PTH2R: variants seen among roughly 807,000 people sequenced by gnomAD.
PTH2R encodes the protein parathyroid hormone 2 receptor.
PTH2R carries 59 observed loss-of-function variants against 60.3 expected under a neutral mutation model. The ratio of observed to expected loss-of-function variants is 0.98; its 90% CI spans 0.79 to 1.22. The LOEUF is 1.22. PTH2R is among the 50% of genes most tolerant of loss of function. PTH2R has a pLI of 0.00. For synonymous variants in PTH2R, 256 were observed against 243.8 expected (o/e 1.05, Z -0.47); for missense variants, 749 against 682.6 (o/e 1.10, Z -1.08).
intron 9 of PTH2R, among the ~76,000 whole-genome samples, chr2:208,474,561 A>G (rs544797105): frequency 6.6e-6 from 1 of 152,372 alleles, no homozygotes; most frequent in East Asian, 1.9e-4. Context: ...AGATTAGCCC[A>G]TGCCAAGTGG....
chr2:208,449,460 T>TAGAC (rs1559223784), intron 7 of PTH2R, among the ~76,000 whole-genome samples: 1 of 151,850 alleles, frequency 6.6e-6, no homozygotes, highest in African/African-American at 2.4e-5. Context: ...GATAAATAGA[T>TAGAC]AGATAGATAG....
chr2:208,480,886 G>A (rs918304072), intron 9 of PTH2R, among the ~76,000 whole-genome samples, 184 bp from the exon 10 acceptor site: 2 of 152,236 alleles, frequency 1.3e-5, no homozygotes, highest in Non-Finnish European at 2.9e-5. Context: ...GTATTTCTTT[G>A]TGTTTTCATG....
chr2:208,439,662 T>G (rs1467398323), intron 4 of PTH2R, among the ~76,000 whole-genome samples: 1 of 152,060 alleles, frequency 6.6e-6, no homozygotes, highest in Admixed American at 6.6e-5. Flanking sequence ...GAGGTAATTA[T>G]TTTAGTTAAA....
At chr2:208,379,572 C>T (rs887592352) in intron 1 of PTH2R, among the ~76,000 whole-genome samples, 2 of 152,048 alleles carry the variant, frequency 1.3e-5, no homozygotes, top group Non-Finnish European at 2.9e-5. Flanking sequence ...TTAAAGAGAA[C>T]CTTGGGCTCT....
intron 11 of PTH2R, 24 bp from the exon 12 acceptor site, chr2:208,490,615 G>A (rs757758629): frequency 1.2e-5 from 19 of 1,601,878 alleles, no homozygotes; most frequent in Non-Finnish European, 1.5e-5. Flanking sequence ...TTGGCAGTGG[G>A]CTGACTTTCT....
At position 208,443,385 on chromosome 2, in the gene PTH2R, T is replaced by A. The variant is rs766579332; in HGVS notation, c.547T>A (p.Leu183Ile). ...CACTAGGAACTATATCCACATGCAC[T>A]TATTTGTGTCTTTCATGCTGAGAGC... ...HCTRNYIHMH[L>I]FVSFMLRATS... Residue 183 changes from leucine (L) to isoleucine (I), a missense_variant, in exon 6 of 13, where the codon TTA becomes ATA. Coordinates refer to ENST00000272847, the MANE Select transcript of PTH2R (RefSeq NM_005048.4). The A allele has an allele frequency of 3.7e-6, 6 of 1,608,958 alleles. No individual in the cohort carries two copies. Among genetic ancestry groups the A allele is most frequent in the East Asian group, 4.5e-5 (2 of 44,644 alleles).
rs556654527 is a variant in PTH2R at position 208,469,616 on chromosome 2, A to G, written c.981+9655A>G. ...TTGGAATTGTAGGGTCTATAATTAT[A>G]GCATTGTTGTTTTCTGTTTTGTTAA... On this transcript the variant is annotated intron_variant, in intron 9 of 12. Coordinates refer to ENST00000272847, the MANE Select transcript of PTH2R (RefSeq NM_005048.4). 2.0e-5 allele frequency among the ~76,000 whole-genome samples: 3 copies of G among 152,324 alleles called. No homozygotes were observed. In the East Asian group the frequency reaches 5.8e-4, roughly 29 times the overall value.
intron 1 of PTH2R, among the ~76,000 whole-genome samples, chr2:208,422,968 G>T (rs1463095299): frequency 2.0e-5 from 3 of 151,860 alleles, no homozygotes; most frequent in Non-Finnish European, 4.4e-5. Flanking sequence ...TTTAATTTGT[G>T]TATTCTTCCT....
chr2:208,376,433 T>C (rs912822424), intron 1 of PTH2R, among the ~76,000 whole-genome samples: 1 of 152,138 alleles, frequency 6.6e-6, no homozygotes, highest in Admixed American at 6.5e-5. Context: ...TTGGCAAATA[T>C]GTGATTTTCG....
chr2:208,444,652 A>C, intron 6 of PTH2R, 82 bp from the exon 7 acceptor site: 1 of 1,347,770 alleles, frequency 7.4e-7, no homozygotes, highest in Non-Finnish European at 1.0e-6. Flanking sequence ...GAAACTGAAG[A>C]CTTGTTTTTT....
At position 208,436,630 on chromosome 2, in the gene PTH2R, G is replaced by C. The variant is rs569536984; in HGVS notation, c.179-907G>C. ...AGAATCTCAACTGCTCATGACCTGC[G>C]TGCACCACAGCAGAGGGACCCCATA... On this transcript the variant is annotated intron_variant, in intron 2 of 12. Coordinates refer to ENST00000272847, the MANE Select transcript of PTH2R (RefSeq NM_005048.4). Among the ~76,000 whole-genome samples the C allele has an allele frequency of 1.3e-3, 194 of 152,194 alleles. 1 individual carries two copies. Among genetic ancestry groups the C allele is most frequent in the African/African-American group, 4.3e-3 (178 of 41,512 alleles).
intron 1 of PTH2R, among the ~76,000 whole-genome samples, chr2:208,368,024 GACAA>G (rs58463542): frequency 0.8 from 121,840 of 151,592 alleles, 50,054 homozygotes; most frequent in East Asian, 0.93. Context: ...ATCTCTCAAA[GACAA>G]ACAATTACGT....
chr2:208,362,837 AGT>A (rs4021384), intron 1 of PTH2R, among the ~76,000 whole-genome samples: 28,581 of 150,416 alleles, frequency 0.19, 2,968 homozygotes, highest in East Asian at 0.44. Context: ...AACACTTATT[AGT>A]GTGTGTGTGT....
intron 1 of PTH2R, among the ~76,000 whole-genome samples, chr2:208,414,616 T>TC (rs1701602906): frequency 1.3e-5 from 2 of 152,052 alleles, no homozygotes; most frequent in South Asian, 4.2e-4. Context: ...GGTTGATACA[T>TC]CCTCAGTTCT....
intron 1 of PTH2R, among the ~76,000 whole-genome samples, chr2:208,374,754 C>T (rs1700763197): frequency 6.6e-6 from 1 of 152,118 alleles, no homozygotes; most frequent in Admixed American, 6.5e-5. Context: ...GATCTGCCTG[C>T]CTCAGCCCCA....
chr2:208,421,190 T>C (rs977559280), intron 1 of PTH2R, among the ~76,000 whole-genome samples: 1 of 152,242 alleles, frequency 6.6e-6, no homozygotes, highest in African/African-American at 2.4e-5. Context: ...CACAGATAGA[T>C]ACAAGTTTTT....
At chr2:208,426,175 C>A (rs1701854387) in intron 1 of PTH2R, among the ~76,000 whole-genome samples, 1 of 152,120 alleles carries the variant, frequency 6.6e-6, no homozygotes, top group Non-Finnish European at 1.5e-5. Context: ...ACTTTAGGGG[C>A]TTTTAATAAA....
chr2:208,489,719 T>G (rs2105912278), intron 11 of PTH2R, among the ~76,000 whole-genome samples: 1 of 152,348 alleles, frequency 6.6e-6, no homozygotes, highest in South Asian at 2.1e-4. Context: ...AGATTTCCAG[T>G]TGCAGTCAAA....
intron 2 of PTH2R, among the ~76,000 whole-genome samples, chr2:208,429,546 A>G (rs545539978): frequency 1.3e-5 from 2 of 152,286 alleles, no homozygotes; most frequent in East Asian, 3.9e-4. Flanking sequence ...AAAAAATTTA[A>G]AACACTAGTT....
Sources: gnomAD v4.1 joint callset for allele counts (sites outside exome capture counted in the v4.1 genomes callset) on GRCh38, gnomAD v4.1.1 for gene constraint, MANE v1.5 for transcripts, NCBI Gene and HGNC (gene_info 2026-07-23, HGNC 2026-07-21) for gene names.